Variants in C3orf33 observed in about 807,000 individuals in gnomAD.
C3orf33 encodes the protein AP-1 activity suppressor.
In C3orf33, 23 loss-of-function variants were observed where a neutral mutation model predicts 28.7. That is an observed-to-expected ratio of 0.80 (90% CI 0.58 to 1.13). C3orf33 has a LOEUF of 1.13. Ranked by LOEUF, C3orf33 falls within the 50% of genes most tolerant of loss-of-function variation. C3orf33 has a pLI of 0.00. For synonymous variants in C3orf33, 119 were observed against 120.5 expected, an observed-to-expected ratio of 0.99 and a Z score of 0.08; for missense variants, 327 against 353.4, an observed-to-expected ratio of 0.93 and a Z score of 0.60.
chr3:155,801,741 TTTTTG>T (rs550017866), intron 2 of C3orf33, among the ~76,000 whole-genome samples: 14 of 152,008 alleles, frequency 9.2e-5, no homozygotes, highest in Admixed American at 2.6e-4. Flanking sequence ...AGTTATTGTT[TTTTTG>T]TTTTGTTTTG....
intron 3 of C3orf33, among the ~76,000 whole-genome samples, chr3:155,769,252 C>G (rs547804325): frequency 1.3e-5 from 2 of 150,770 alleles, no homozygotes; most frequent in Admixed American, 1.3e-4. Context: ...GCGGAAGTTG[C>G]GGTGAGCCAA....
At chr3:155,790,664 G>GA (rs576817603) in intron 2 of C3orf33, among the ~76,000 whole-genome samples, 21 of 152,184 alleles carry the variant, frequency 1.4e-4, no homozygotes, top group Non-Finnish European at 3.1e-4. Context: ...TTGGATGGGG[G>GA]AGAGTACATT....
At position 155,763,462 on chromosome 3, in the gene C3orf33, T is replaced by C. The variant is rs961793259; in HGVS notation, c.*55A>G. 17 of 1,311,946 alleles carry C rather than the reference T, an allele frequency of 1.3e-5. No homozygotes were observed. Among genetic ancestry groups the C allele is most frequent in the African/African-American group, 3.0e-5 (2 of 66,048 alleles). The allele number at this position is 1,311,946 out of a possible 1,614,324, so 81.3% of individuals were successfully genotyped here. Reference sequence around the variant, plus strand: ...ATTTTGATTCAATGAAAAACGTCCATATATTTACATATTTCACTCTTTGGA... The same window carrying C: ...ATTTTGATTCAATGAAAAACGTCCACATATTTACATATTTCACTCTTTGGA... On this transcript the variant is annotated 3_prime_UTR_variant, in exon 5 of 5. Coordinates refer to ENST00000340171, the MANE Select transcript of C3orf33 (RefSeq NM_001308229.2).
At chr3:155,805,535 C>T (rs1484124310) in intron 1 of C3orf33, 13 of 448,860 alleles carry the variant, frequency 2.9e-5, no homozygotes, top group Middle Eastern at 7.1e-4. Context: ...GCCTGGACAA[C>T]ATAGCAAGAC....
intron 4 of C3orf33, among the ~76,000 whole-genome samples, chr3:155,765,578 C>T (rs1750378432): frequency 6.6e-6 from 1 of 152,066 alleles, no homozygotes; most frequent in South Asian, 2.1e-4. Context: ...AGCGGAGTCT[C>T]ACTCTGTCAC....
rs1275198528 is a variant in C3orf33 at position 155,763,510 on chromosome 3, G to A, written c.*7C>T. The A allele has an allele frequency of 1.4e-6, 2 of 1,465,840 alleles. No individual in the cohort carries two copies. Among genetic ancestry groups the A allele is most frequent in the Non-Finnish European group, 9.0e-7 (1 of 1,112,322 alleles). The allele number at this position is 1,465,840 out of a possible 1,614,324, so 90.8% of individuals were successfully genotyped here. A position where few individuals can be genotyped will look rare whatever the true frequency, so the allele number is the denominator to read the frequency against. On this transcript the variant is annotated 3_prime_UTR_variant, in exon 5 of 5. Coordinates refer to ENST00000340171, the MANE Select transcript of C3orf33 (RefSeq NM_001308229.2). ...GGAGAAGGTTACCTCTAGATTTCTT[G>A]ACCGTTTCACCCTTTTCTACGAAAG...
intron 3 of C3orf33, among the ~76,000 whole-genome samples, chr3:155,771,154 G>A (rs1358030306): frequency 1.3e-5 from 2 of 151,888 alleles, no homozygotes; most frequent in East Asian, 3.9e-4. Flanking sequence ...CACCCAGGCT[G>A]GAGTGCAGTG....
Position 155,763,492 on chromosome 3 carries a change from G to T in C3orf33, c.*25C>A. The T allele has an allele frequency of 2.8e-6, 4 of 1,445,640 alleles. No individual in the cohort carries two copies. Among genetic ancestry groups the T allele is most frequent in the Non-Finnish European group, 3.6e-6 (4 of 1,101,140 alleles). The allele number at this position is 1,445,640 out of a possible 1,614,324, so 89.6% of individuals were successfully genotyped here. On this transcript the variant is annotated 3_prime_UTR_variant, in exon 5 of 5. Transcript: ENST00000340171. Reference sequence around the variant, plus strand: ...TTACATATTTCACTCTTTGGAGAAGGTTACCTCTAGATTTCTTGACCGTTT... The same window carrying T: ...TTACATATTTCACTCTTTGGAGAAGTTTACCTCTAGATTTCTTGACCGTTT...
chr3:155,763,768 C>T lies in C3orf33; in HGVS notation c.634G>A (p.Gly212Arg), dbSNP rs1559985743. ...LKAELTALKK[G>R]EGIWKEDSEK... ...GAGTCTTCCTTCCATATTCCTTCTCCTTTTTTTAAGGCTGTTAATTCAGCT... is the reference window on the plus strand; with the variant it reads ...GAGTCTTCCTTCCATATTCCTTCTCTTTTTTTTAAGGCTGTTAATTCAGCT... The change falls in exon 5 of 5, where the codon GGA (glycine) becomes AGA (arginine). Residue 212 changes from glycine to arginine, a missense_variant. By Grantham distance (125) the Gly-to-Arg change is moderately radical. Coordinates refer to ENST00000340171, the MANE Select transcript of C3orf33 (RefSeq NM_001308229.2). 14 of 1,605,220 alleles carry T rather than the reference C, an allele frequency of 8.7e-6. No individual in the cohort carries two copies. Among genetic ancestry groups the T allele is most frequent in the Admixed American group, 1.7e-5 (1 of 58,142 alleles).
chr3:155,776,823 G>T (rs1338682360), intron 2 of C3orf33, among the ~76,000 whole-genome samples: 1 of 144,586 alleles, frequency 6.9e-6, no homozygotes, highest in African/African-American at 2.6e-5. Flanking sequence ...CAGTAAGGTT[G>T]AACTGAAGAT....
intron 2 of C3orf33, among the ~76,000 whole-genome samples, chr3:155,786,364 A>G (rs1192432167): frequency 1.3e-5 from 2 of 152,208 alleles, no homozygotes; most frequent in Non-Finnish European, 2.9e-5. Flanking sequence ...ACAAATCTTT[A>G]GCTAAATGGA....
In C3orf33 at chr3:155,786,642, C is replaced by G. The variant is rs182873442; in HGVS notation, c.175-10794G>C. Among the ~76,000 whole-genome samples, 120 of 152,204 alleles carry G rather than the reference C, an allele frequency of 7.9e-4. 1 individual carries two copies. In the South Asian group the frequency reaches 8.9e-3, roughly 11 times the overall value. On this transcript the variant is annotated intron_variant, in intron 2 of 4. Coordinates refer to ENST00000340171, the MANE Select transcript of C3orf33 (RefSeq NM_001308229.2). Reference sequence around the variant, plus strand: ...AGGAGTTTGAGACCAACCTGGCCAACGTGGCGAAACCCCATCTCTACTAAA... The same window carrying G: ...AGGAGTTTGAGACCAACCTGGCCAAGGTGGCGAAACCCCATCTCTACTAAA...
chr3:155,770,834 C>A (rs1177096962), intron 3 of C3orf33, among the ~76,000 whole-genome samples: 3 of 152,096 alleles, frequency 2.0e-5, no homozygotes, highest in Non-Finnish European at 4.4e-5. Context: ...GCCACCACAC[C>A]CAGCTAATTT....
In C3orf33 at chr3:155,783,929, G is replaced by GT. The variant is rs550660072; in HGVS notation, c.175-8082dup. ...TTTGTTTTGTTTTGTTTTGTTTGGG[G>GT]TTTTTTTTTTGTTTTTTTTGAGACA... is the stretch of plus-strand genomic sequence containing the variant. On this transcript the variant is annotated intron_variant, in intron 2 of 4. Transcript: ENST00000340171. 9.5e-3 allele frequency among the ~76,000 whole-genome samples: 1,382 copies of GT among 145,734 alleles called. 9 individuals carry two copies. The highest frequency in any genetic ancestry group is 0.014 in the African/African-American group (572 of 39,974).
intron 2 of C3orf33, among the ~76,000 whole-genome samples, chr3:155,780,302 T>C (rs1750880132): frequency 6.6e-6 from 1 of 152,140 alleles, no homozygotes; most frequent in African/African-American, 2.4e-5. Context: ...GCTGGAAGCA[T>C]CCTGGTAAAG....
At chr3:155,785,853 A>AC (rs1235120538) in intron 2 of C3orf33, among the ~76,000 whole-genome samples, 1 of 152,158 alleles carries the variant, frequency 6.6e-6, no homozygotes, top group East Asian at 1.9e-4. Context: ...ATTCTGGGCA[A>AC]CATGCCAAAA....
chr3:155,789,784 G>A (rs1449863214), intron 2 of C3orf33, among the ~76,000 whole-genome samples: 1 of 152,232 alleles, frequency 6.6e-6, no homozygotes, highest in East Asian at 1.9e-4. Context: ...CAGATCAATG[G>A]AACAGAGAGG....
intron 2 of C3orf33, among the ~76,000 whole-genome samples, chr3:155,789,360 A>AG (rs1751242847): frequency 6.6e-6 from 1 of 151,564 alleles, no homozygotes; most frequent in Non-Finnish European, 1.5e-5. Context: ...AAAAAAAAAA[A>AG]GCAATTCCAT....
intron 1 of C3orf33, among the ~76,000 whole-genome samples, chr3:155,803,453 T>A (rs1469565490): frequency 6.8e-6 from 1 of 146,798 alleles, no homozygotes; most frequent in Admixed American, 7.0e-5. Context: ...TAGTCCCAGC[T>A]ACTCAGGAGG....
Sources: gnomAD v4.1 joint callset for allele counts (sites outside exome capture counted in the v4.1 genomes callset) on GRCh38, gnomAD v4.1.1 for gene constraint, MANE v1.5 for transcripts, NCBI Gene and HGNC (gene_info 2026-07-23, HGNC 2026-07-21) for gene names.